WWOX: variants seen among roughly 807,000 people sequenced by gnomAD.
The protein encoded by WWOX is WW domain containing oxidoreductase.
In WWOX, 69 loss-of-function variants were observed where a neutral mutation model predicts 46.2. The observed-to-expected ratio is 1.49, with a 90% CI of 1.23 to 1.82. The LOEUF (loss-of-function observed/expected upper bound fraction) is 1.82. Ranked by LOEUF, WWOX falls within the 40% of genes most tolerant of loss-of-function variation. The pLI is 0.00. For synonymous variants in WWOX, 359 were observed against 202.6 expected (o/e 1.77, Z -6.56); for missense variants, 919 against 542.6 (o/e 1.69, Z -6.89).
intron 8 of WWOX, among the ~76,000 whole-genome samples, chr16:78,596,939 A>G (rs903738730): frequency 6.6e-6 from 1 of 152,174 alleles, no homozygotes; most frequent in African/African-American, 2.4e-5. Flanking sequence ...CTCAATAAAC[A>G]TGCGGTCTAA....
chr16:78,382,127 C>T (rs1420464651), intron 5 of WWOX, among the ~76,000 whole-genome samples: 2 of 152,064 alleles, frequency 1.3e-5, no homozygotes, highest in South Asian at 2.1e-4. Flanking sequence ...GAAACAAGCC[C>T]AGAGAGGTAG....
At chr16:78,576,401 T>A (rs2667525) in intron 8 of WWOX, among the ~76,000 whole-genome samples, 1 of 152,206 alleles carries the variant, frequency 6.6e-6, no homozygotes, top group African/African-American at 2.4e-5. Context: ...TATGATGTGT[T>A]TTCTCTTTGT....
At chr16:79,189,044 AAAAG>A (rs2051075618) in intron 8 of WWOX, among the ~76,000 whole-genome samples, 1 of 152,230 alleles carries the variant, frequency 6.6e-6, no homozygotes, top group Admixed American at 6.5e-5. Context: ...TTGCAGGTGA[AAAAG>A]AAAAGAAAAA....
chr16:78,596,796 C>T (rs79052353), intron 8 of WWOX, among the ~76,000 whole-genome samples: 3,505 of 116,480 alleles, frequency 0.03, 97 homozygotes, highest in East Asian at 0.17. Flanking sequence ...TGATATAAAT[C>T]AGCACGGTTT....
At chr16:78,634,835 AGAGTGTGTGTGTGT>A (rs57993481) in intron 8 of WWOX, among the ~76,000 whole-genome samples, 98 of 127,560 alleles carry the variant, frequency 7.7e-4, no homozygotes, top group African/African-American at 2.2e-3. Flanking sequence ...AGAGAGAGAG[AGAGTGTGTGTGTGT>A]GTGTGTGTGT....
chr16:78,430,669 G>T (rs1224340314), intron 7 of WWOX, among the ~76,000 whole-genome samples: 1 of 152,118 alleles, frequency 6.6e-6, no homozygotes. Context: ...CTCTTCCTGT[G>T]GTTTGGGTAC....
At chr16:78,468,216 A>G (rs951870098) in intron 8 of WWOX, among the ~76,000 whole-genome samples, 3 of 150,434 alleles carry the variant, frequency 2.0e-5, no homozygotes, top group Non-Finnish European at 1.5e-5. Flanking sequence ...TCTTTTCTGG[A>G]GACCTGATAT....
intron 8 of WWOX, among the ~76,000 whole-genome samples, chr16:78,546,278 G>A (rs1054256108): frequency 6.6e-6 from 1 of 152,178 alleles, no homozygotes; most frequent in Admixed American, 6.5e-5. Flanking sequence ...AAGCATGAAA[G>A]GGAACAGAAG....
intron 8 of WWOX, among the ~76,000 whole-genome samples, chr16:78,970,773 TG>T: frequency 6.6e-6 from 1 of 152,192 alleles, no homozygotes. Context: ...TCGTGATTCT[TG>T]GGGGGCAACT....
At chr16:78,894,637 C>G (rs772805178) in intron 8 of WWOX, among the ~76,000 whole-genome samples, 1 of 152,052 alleles carries the variant, frequency 6.6e-6, no homozygotes, top group Admixed American at 6.6e-5. Context: ...CAAGGTGGTA[C>G]TTATACCTAC....
intron 8 of WWOX, among the ~76,000 whole-genome samples, chr16:78,459,603 AG>A (rs1286983956): frequency 4.6e-5 from 7 of 152,136 alleles, no homozygotes; most frequent in African/African-American, 1.7e-4. Flanking sequence ...GCTTTTTATG[AG>A]GCAAAATCTA....
intron 8 of WWOX, among the ~76,000 whole-genome samples, chr16:79,070,476 G>A (rs1042266207): frequency 6.6e-6 from 1 of 152,152 alleles, no homozygotes; most frequent in Admixed American, 6.5e-5. Flanking sequence ...ACTCACCACC[G>A]ATGGAAAATT....
rs76359239 is a variant in WWOX, at chr16:78,801,541, C to T, written c.1056+368789C>T. On this transcript the variant is annotated intron_variant, in intron 8 of 8. Coordinates refer to ENST00000566780, the MANE Select transcript of WWOX (RefSeq NM_016373.4). ...AAGAAACCCTTGCTATTTTAGCTTC[C>T]GATGAGGATATTTATCCTTCTAGCA... 9.0e-3 allele frequency among the ~76,000 whole-genome samples: 1,373 copies of T among 152,202 alleles called. 16 individuals are homozygous for T. Among genetic ancestry groups the T allele is most frequent in the African/African-American group, 0.031 (1,307 of 41,520 alleles).
intron 5 of WWOX, among the ~76,000 whole-genome samples, chr16:78,379,016 G>C (rs1175306300): frequency 2.0e-5 from 3 of 152,122 alleles, no homozygotes. Flanking sequence ...ATCTCAGTTG[G>C]CAACACGTAT....
intron 8 of WWOX, among the ~76,000 whole-genome samples, chr16:79,042,952 C>T (rs1346283310): frequency 1.3e-5 from 2 of 152,164 alleles, no homozygotes; most frequent in Admixed American, 6.5e-5. Flanking sequence ...TGGATGCCCT[C>T]ATTTCTCATC....
chr16:78,146,775 G>C (rs922709479), intron 4 of WWOX, among the ~76,000 whole-genome samples: 1 of 152,126 alleles, frequency 6.6e-6, no homozygotes, highest in African/African-American at 2.4e-5. Flanking sequence ...TGTAATCACT[G>C]AATATGTTAT....
At chr16:78,326,355 TTCTG>T (rs1313670891) in intron 5 of WWOX, among the ~76,000 whole-genome samples, 2 of 152,202 alleles carry the variant, frequency 1.3e-5, no homozygotes, top group South Asian at 4.1e-4. Flanking sequence ...ATTTGGCATA[TTCTG>T]TCTTTTTATA....
intron 8 of WWOX, among the ~76,000 whole-genome samples, chr16:78,717,807 G>A (rs529452299): frequency 6.6e-6 from 1 of 152,176 alleles, no homozygotes; most frequent in Admixed American, 6.5e-5. Context: ...GATGCCCTGT[G>A]GTTTTTCTCC....
chr16:78,930,589 C>T (rs576415407), intron 8 of WWOX, among the ~76,000 whole-genome samples: 7 of 146,498 alleles, frequency 4.8e-5, no homozygotes, highest in African/African-American at 1.7e-4. Flanking sequence ...CTGCACCAGG[C>T]AAGGACTTTT....
Sources: allele counts gnomAD v4.1 joint callset (sites outside exome capture counted in the v4.1 genomes callset), GRCh38; gene constraint gnomAD v4.1.1; transcripts MANE v1.5; gene names NCBI Gene and HGNC (gene_info 2026-07-23, HGNC 2026-07-21).